ASNS: variants seen among roughly 807,000 people sequenced by gnomAD.
The protein encoded by ASNS is asparagine synthetase (glutamine-hydrolyzing).
In ASNS, 37 loss-of-function variants were observed where a neutral mutation model predicts 62.6. The ratio of observed to expected loss-of-function variants is 0.59; its 90% CI spans 0.45 to 0.78. The LOEUF (loss-of-function observed/expected upper bound fraction) is 0.78, where lower values mean the gene tolerates loss of function less well. Ranked by LOEUF, ASNS falls within the 30% of genes least tolerant of loss-of-function variation. The pLI is 0.00. For missense variants in ASNS, 520 were observed against 682.4 expected (o/e 0.76, Z 2.65); for synonymous variants, 207 against 237.9 (o/e 0.87, Z 1.19).
chr7:97,876,496 C>T (rs79840167), upstream of ASNS, among the ~76,000 whole-genome samples: 2 of 148,658 alleles, frequency 1.3e-5, no homozygotes, highest in South Asian at 2.1e-4. Flanking sequence ...GGTGCAATCT[C>T]GGCTCACTGC....
At chr7:97,902,836 C>T in the ASNS span, among the ~76,000 whole-genome samples, 2 of 152,218 alleles carry the variant, frequency 1.3e-5, no homozygotes, top group Non-Finnish European at 2.9e-5. Context: ...TCTTCCATCT[C>T]TACTAACCCC....
At chr7:97,921,933 A>C in the ASNS span, among the ~76,000 whole-genome samples, 6 of 152,220 alleles carry the variant, frequency 3.9e-5, no homozygotes, top group Non-Finnish European at 7.3e-5. Context: ...ACAATGGAAT[A>C]CTATTCAGCC....
chr7:97,924,305 G>C, the ASNS span, among the ~76,000 whole-genome samples: 3 of 152,164 alleles, frequency 2.0e-5, no homozygotes, highest in Non-Finnish European at 4.4e-5. Flanking sequence ...GCCAGGGGGG[G>C]ATGCGAGAAC....
the ASNS span, among the ~76,000 whole-genome samples, chr7:97,896,735 C>CATATATATATATAT: frequency 1.8e-3 from 44 of 24,908 alleles, no homozygotes; most frequent in African/African-American, 2.3e-3. Flanking sequence ...CACACACACA[C>CATATATATATATAT]ACACACATAT....
Position 97,858,876 on chromosome 7 carries a change from T to C in ASNS, c.753A>G (p.Arg251=). Residue 251 remains arginine, a synonymous_variant, in exon 6 of 13, where the codon AGA becomes AGG. Transcript: ENST00000394308. ...CACCTGATAAAAGGCAGCCAATCCT[T>C]CTGTCTGTCATCAAACGTTTCTTTA... ...NAVKKRLMTD[R]RIGCLLSGGL... is the part of the protein sequence containing the mutation. 4 of 1,613,092 alleles carry C rather than the reference T, an allele frequency of 2.5e-6. No individual in the cohort carries two copies. Among genetic ancestry groups the C allele is most frequent in the Non-Finnish European group, 3.4e-6 (4 of 1,179,772 alleles).
intron 3 of ASNS, among the ~76,000 whole-genome samples, chr7:97,865,977 A>G (rs1791947200): frequency 6.6e-6 from 1 of 152,192 alleles, no homozygotes; most frequent in Non-Finnish European, 1.5e-5. Flanking sequence ...CTGTGACATC[A>G]AAATGCACAT....
chr7:97,871,550 T>C (rs1792260268), intron 1 of ASNS: 1 of 151,548 alleles, frequency 6.6e-6, no homozygotes, highest in Admixed American at 6.6e-5. Context: ...CCCAGGGCAA[T>C]GGACAGTAAA....
the ASNS span, among the ~76,000 whole-genome samples, chr7:97,919,353 G>A: frequency 1.6e-4 from 25 of 152,052 alleles, no homozygotes; most frequent in African/African-American, 6.0e-4. Context: ...TGGCCCACCC[G>A]CCTTGGCCTC....
chr7:97,917,877 C>G, the ASNS span, among the ~76,000 whole-genome samples: 1 of 152,254 alleles, frequency 6.6e-6, no homozygotes, highest in African/African-American at 2.4e-5. Context: ...AACGTGCTCT[C>G]AACAGTGATC....
the ASNS span, among the ~76,000 whole-genome samples, chr7:97,910,601 TGAGA>T: frequency 7.7e-5 from 7 of 91,180 alleles, no homozygotes; most frequent in African/African-American, 2.4e-4. Flanking sequence ...GAGACCACAG[TGAGA>T]GACTTTTTTT....
chr7:97,876,429 A>AT (rs56382958), upstream of ASNS, among the ~76,000 whole-genome samples: 10,333 of 137,232 alleles, frequency 0.075, 1,192 homozygotes, highest in African/African-American at 0.25. Context: ...ACTCAAACAT[A>AT]TTTTTTTTTT....
intron 4 of ASNS, 60 bp from the exon 5 acceptor site, chr7:97,859,458 G>A (rs1791614987): frequency 8.7e-6 from 13 of 1,488,282 alleles, no homozygotes; most frequent in Admixed American, 2.1e-5. Flanking sequence ...TAACTTTCAC[G>A]ATTAGTTAAC....
chr7:97,914,185 T>C, the ASNS span, among the ~76,000 whole-genome samples: 2 of 150,874 alleles, frequency 1.3e-5, no homozygotes, highest in African/African-American at 4.9e-5. Context: ...GATGGATGGA[T>C]GGATGGATGG....
chr7:97,919,506 T>A, the ASNS span, among the ~76,000 whole-genome samples: 8 of 152,024 alleles, frequency 5.3e-5, no homozygotes, highest in Admixed American at 1.3e-4. Context: ...CAGGACAACA[T>A]AGGACAGAGT....
At chr7:97,899,009 T>G in the ASNS span, 4 of 715,770 alleles carry the variant, frequency 5.6e-6, no homozygotes, top group African/African-American at 5.2e-5. Flanking sequence ...ATATTGAACA[T>G]AGGAGGTGCT....
chr7:97,880,582 C>T, the ASNS span, among the ~76,000 whole-genome samples: 1 of 152,142 alleles, frequency 6.6e-6, no homozygotes, highest in Non-Finnish European at 1.5e-5. Context: ...CTGGGCCCCA[C>T]GCACAAGATT....
chr7:97,855,221 T>C, intron 9 of ASNS, 132 bp downstream of exon 9: 3 of 618,668 alleles, frequency 4.8e-6, no homozygotes, highest in Non-Finnish European at 8.3e-6. Flanking sequence ...GCAAACACTA[T>C]CAGATTCCCT....
the ASNS span, among the ~76,000 whole-genome samples, chr7:97,907,125 C>T: frequency 1.2e-4 from 18 of 152,220 alleles, no homozygotes; most frequent in Non-Finnish European, 2.1e-4. Context: ...TCATGTCTTG[C>T]TTCTACTCTC....
chr7:97,896,785 T>C, the ASNS span, among the ~76,000 whole-genome samples: 1 of 103,702 alleles, frequency 9.6e-6, no homozygotes. Context: ...AAAGCTATAG[T>C]AACCAAAACA....
Sources: allele counts gnomAD v4.1 joint callset (sites outside exome capture counted in the v4.1 genomes callset), GRCh38; gene constraint gnomAD v4.1.1; transcripts MANE v1.5; gene names NCBI Gene and HGNC (gene_info 2026-07-23, HGNC 2026-07-21).